DYDC1: variants seen among roughly 807,000 people sequenced by gnomAD.
The protein encoded by DYDC1 is DPY30 domain containing 1, also known as DPY30 domain-containing protein 1.
In DYDC1, 21 loss-of-function variants were observed where a neutral mutation model predicts 27.9. That is an observed-to-expected ratio of 0.75 (90% CI 0.53 to 1.08). DYDC1 has a LOEUF of 1.08. Ranked by LOEUF, DYDC1 falls within the 50% of genes least tolerant of loss-of-function variation. DYDC1 has a pLI of 0.00. For synonymous variants in DYDC1, 67 were observed against 65.8 expected, an observed-to-expected ratio of 1.02 and a Z score of -0.09; for missense variants, 202 against 205.9, an observed-to-expected ratio of 0.98 and a Z score of 0.12.
chr10:80,346,661 C>T (rs1365333455), intron 3 of DYDC1, among the ~76,000 whole-genome samples: 19 of 151,160 alleles, frequency 1.3e-4, no homozygotes, highest in Admixed American at 1.1e-3. Flanking sequence ...GGGGTTTCAC[C>T]ATGTTAGCTA....
chr10:80,342,232 T>A (rs375386996), intron 4 of DYDC1, 37 bp downstream of exon 4: 239 of 1,596,760 alleles, frequency 1.5e-4, no homozygotes, highest in Non-Finnish European at 2.0e-4. Context: ...TCTAGAGAGT[T>A]TTAAATAAAA....
In DYDC1 at chr10:80,356,524, G is replaced by A. The variant is rs1843377371; in HGVS notation, c.-10+188C>T. ...GCCCGCAGGAGACGCAGCGCTCCCCGCTCAGGGGGAGCAGGAGGACAGCTG... is the reference window on the plus strand; with the variant it reads ...GCCCGCAGGAGACGCAGCGCTCCCCACTCAGGGGGAGCAGGAGGACAGCTG... On this transcript the variant is annotated intron_variant, in intron 1 of 6. Transcript: ENST00000372202. 3 of 985,490 alleles carry A rather than the reference G, an allele frequency of 3.0e-6. No individual in the cohort carries two copies. The South Asian group carries it at 1.4e-4, about 46-fold the overall frequency. 61.0% of individuals were successfully genotyped at this position (985,490 alleles called of 1,614,324 possible). A position where few individuals can be genotyped will look rare whatever the true frequency, so the allele number is the denominator to read the frequency against.
intron 3 of DYDC1, among the ~76,000 whole-genome samples, chr10:80,345,182 GT>G (rs1242639653): frequency 2.0e-5 from 3 of 152,176 alleles, no homozygotes; most frequent in African/African-American, 7.2e-5. Context: ...ATTCACTCTT[GT>G]AAACTGGACC....
chr10:80,354,129 A>T (rs4933356), intron 1 of DYDC1, among the ~76,000 whole-genome samples: 79,832 of 147,488 alleles, frequency 0.54, 22,078 homozygotes, highest in East Asian at 0.94. Flanking sequence ...TATAAAAAAA[A>T]ATATATATAT....
At chr10:80,345,501 T>C (rs1842560309) in intron 3 of DYDC1, among the ~76,000 whole-genome samples, 1 of 152,228 alleles carries the variant, frequency 6.6e-6, no homozygotes, top group African/African-American at 2.4e-5. Flanking sequence ...ATCCTCATGC[T>C]GTACTTTAGA....
intron 1 of DYDC1, among the ~76,000 whole-genome samples, chr10:80,354,899 G>T (rs373369849): frequency 6.6e-6 from 1 of 152,046 alleles, no homozygotes. Flanking sequence ...CTACAGCAGC[G>T]CAAACTAAAA....
At chr10:80,350,630 G>A (rs931088810) in intron 3 of DYDC1, among the ~76,000 whole-genome samples, 4 of 152,172 alleles carry the variant, frequency 2.6e-5, no homozygotes, top group African/African-American at 9.6e-5. Context: ...AGGGATAGGA[G>A]GTTAGTCAGA....
intron 3 of DYDC1, among the ~76,000 whole-genome samples, chr10:80,346,780 A>G (rs1321685347): frequency 1.3e-5 from 2 of 151,920 alleles, no homozygotes; most frequent in East Asian, 3.9e-4. Context: ...CCTTTCTGAT[A>G]ACAGCCATCT....
chr10:80,356,430 TGTATCTGGCAACCTCCCGGGGC>T, intron 1 of DYDC1: 1 of 985,122 alleles, frequency 1.0e-6, no homozygotes. Context: ...GATACAGTAT[TGTATCTGGCAACCTCCCGGGGC>T]GCTCAGTGTG....
At chr10:80,337,856 C>T (rs1191891945) in intron 6 of DYDC1, among the ~76,000 whole-genome samples, 1 of 152,220 alleles carries the variant, frequency 6.6e-6, no homozygotes, top group Non-Finnish European at 1.5e-5. Flanking sequence ...TCTTCCAGGA[C>T]AGTCCTGGCT....
chr10:80,336,117 A>C lies in DYDC1; in HGVS notation c.*39T>G. On this transcript the variant is annotated 3_prime_UTR_variant, in exon 7 of 7. Transcript: ENST00000372202. ...GGGAACCTCATGGTTTGAAATTTGA[A>C]ACAAACAAAAACATTTATTGCTCTT... 7.4e-7 allele frequency: 1 copy of C among 1,344,670 alleles called. No individual in the cohort carries two copies. The highest frequency in any genetic ancestry group is 1.3e-5 in the South Asian group (1 of 78,016). 83.3% of individuals were successfully genotyped at this position (1,344,670 alleles called of 1,614,324 possible). A position where few individuals can be genotyped will look rare whatever the true frequency, so the allele number is the denominator to read the frequency against.
chr10:80,337,491 T>C (rs1371078379), intron 6 of DYDC1: 2 of 955,382 alleles, frequency 2.1e-6, no homozygotes, highest in East Asian at 2.3e-4. Flanking sequence ...CTCCATTTTC[T>C]TCCCCACACT....
At chr10:80,340,711 C>T (rs1842291323) in intron 4 of DYDC1, among the ~76,000 whole-genome samples, 1 of 152,012 alleles carries the variant, frequency 6.6e-6, no homozygotes, top group African/African-American at 2.4e-5. Flanking sequence ...TTAATTTTTA[C>T]TGATATAAAT....
At chr10:80,338,370 C>T (rs775772741) in intron 6 of DYDC1, 97 bp downstream of exon 6, 4 of 1,502,504 alleles carry the variant, frequency 2.7e-6, no homozygotes, top group Non-Finnish European at 8.9e-7. Context: ...GCCAACCAAT[C>T]CTGGCCTAGC....
intron 5 of DYDC1, 55 bp from the exon 6 acceptor site, chr10:80,338,626 C>G (rs1842216639): frequency 7.7e-6 from 11 of 1,433,744 alleles, no homozygotes; most frequent in Non-Finnish European, 1.0e-5. Flanking sequence ...TAATACATTA[C>G]TTTTCTTTCA....
intron 3 of DYDC1, among the ~76,000 whole-genome samples, chr10:80,347,633 G>A (rs1002612287): frequency 5.3e-5 from 8 of 152,088 alleles, no homozygotes; most frequent in Admixed American, 4.6e-4. Context: ...TTTTGTGTAT[G>A]GTGGAAGACA....
intron 5 of DYDC1, 86 bp from the exon 6 acceptor site, chr10:80,338,657 G>C (rs1842217469): frequency 7.6e-7 from 1 of 1,308,268 alleles, no homozygotes; most frequent in African/African-American, 1.5e-5. Context: ...AAAATTTTCT[G>C]ATTTATAACA....
intron 6 of DYDC1, 59 bp downstream of exon 6, chr10:80,338,407 TA>T (rs559690266): frequency 6.3e-6 from 10 of 1,594,102 alleles, no homozygotes; most frequent in Middle Eastern, 1.7e-4. Context: ...TTTACCTAAG[TA>T]AAAAAAATCA....
intron 3 of DYDC1, 56 bp from the exon 4 acceptor site, chr10:80,342,417 T>C (rs1842365779): frequency 1.3e-6 from 2 of 1,546,004 alleles, no homozygotes; most frequent in African/African-American, 2.7e-5. Context: ...GATAATTAAG[T>C]TTATACCCAC....
Sources: gnomAD v4.1 joint callset for allele counts (sites outside exome capture counted in the v4.1 genomes callset) on GRCh38, gnomAD v4.1.1 for gene constraint, MANE v1.5 for transcripts, NCBI Gene and HGNC (gene_info 2026-07-23, HGNC 2026-07-21) for gene names.